Variants in KLHDC4 observed in about 807,000 individuals in gnomAD.
KLHDC4 encodes kelch domain-containing protein 4.
KLHDC4 carries 90 observed loss-of-function variants against 62.4 expected under a neutral mutation model. The observed-to-expected ratio is 1.44, with a 90% confidence interval of 1.22 to 1.72. The LOEUF is 1.72. Among genes scored for constraint, KLHDC4 ranks in the 40% most tolerant of loss-of-function variants. KLHDC4 has a pLI of 0.00. For synonymous variants in KLHDC4, 386 were observed against 284.4 expected (o/e 1.36, Z -3.59); for missense variants, 1,025 against 699.7 (o/e 1.47, Z -5.25).
intron 4 of KLHDC4, among the ~76,000 whole-genome samples, chr16:87,752,420 C>G (rs1341621884): frequency 6.6e-6 from 1 of 151,152 alleles, no homozygotes; most frequent in Non-Finnish European, 1.5e-5. Flanking sequence ...ACTGCAACCT[C>G]CAACGCCCCT....
chr16:87,709,500 C>T lies in KLHDC4; in HGVS notation c.1212G>A (p.Ala404=), dbSNP rs774957342. 20 of 1,611,898 alleles carry T rather than the reference C, an allele frequency of 1.2e-5. No individual in the cohort carries two copies. In the East Asian group the frequency reaches 2.7e-4, roughly 22 times the overall value. The change falls in exon 10 of 12, where the codon GCG becomes GCA. Residue 404 remains alanine (A), a synonymous_variant. Coordinates refer to ENST00000270583, the MANE Select transcript of KLHDC4 (RefSeq NM_017566.4). Reference sequence around the variant, plus strand: ...ACCGGGGCTGCCCCGCCGAGCCTGGCGCGGTGAGCACCTGCTTAATGGTGA... The same window carrying T: ...ACCGGGGCTGCCCCGCCGAGCCTGGTGCGGTGAGCACCTGCTTAATGGTGA... ...TVVTIKQVLT[A]PGSAGQPRSE...
chr16:87,735,476 G>A (rs750213258), intron 5 of KLHDC4, among the ~76,000 whole-genome samples: 13 of 152,194 alleles, frequency 8.5e-5, no homozygotes, highest in Non-Finnish European at 1.3e-4. Flanking sequence ...CCCTAACTGC[G>A]CTGGGGCGGG....
At chr16:87,760,292 C>G (rs144964859) in intron 2 of KLHDC4, among the ~76,000 whole-genome samples, 26 of 150,468 alleles carry the variant, frequency 1.7e-4, no homozygotes, top group African/African-American at 6.3e-4. Flanking sequence ...GAACTCGAGA[C>G]CAGCCTGGAC....
At chr16:87,751,925 A>T (rs903698463) in intron 4 of KLHDC4, among the ~76,000 whole-genome samples, 2 of 151,348 alleles carry the variant, frequency 1.3e-5, no homozygotes, top group African/African-American at 4.9e-5. Flanking sequence ...TACTAAAAAA[A>T]TTAGCCAGGC....
At position 87,765,866 on chromosome 16, in the gene KLHDC4, T is replaced by C. The variant is rs1555612868; in HGVS notation, c.25A>G (p.Lys9Glu). Reference protein sequence around the residue: MGKKGKKEKKGRGAEKTAA... With the variant: MGKKGKKEEKGRGAEKTAA... ...GTCTTCTCCGCGCCGCGGCCCTTCTTCTCCTTCTTGCCCTTCTTGCCCATC... is the reference window on the plus strand; with the variant it reads ...GTCTTCTCCGCGCCGCGGCCCTTCTCCTCCTTCTTGCCCTTCTTGCCCATC... Residue 9 changes from lysine to glutamate, a missense_variant, in exon 1 of 12, where the codon AAG becomes GAG. Physicochemically the swap from Lys to Glu is moderately conservative, Grantham distance 56 (BLOSUM62 1). Coordinates refer to ENST00000270583, the MANE Select transcript of KLHDC4 (RefSeq NM_017566.4). 9.7e-6 allele frequency: 15 copies of C among 1,552,364 alleles called. No individual in the cohort carries two copies. In the South Asian group the frequency reaches 1.7e-4, roughly 17 times the overall value.
chr16:87,762,875 C>A (rs1019719814), intron 1 of KLHDC4, among the ~76,000 whole-genome samples: 2 of 152,090 alleles, frequency 1.3e-5, no homozygotes, highest in Non-Finnish European at 1.5e-5. Context: ...ACTACACACA[C>A]CTGCAGACCA....
At chr16:87,765,702 G>T in intron 1 of KLHDC4, 90 bp downstream of exon 1, 2 of 1,293,152 alleles carry the variant, frequency 1.5e-6, no homozygotes, top group South Asian at 2.8e-5. Flanking sequence ...CGGCTCCCAC[G>T]GCCGACCCGT....
At chr16:87,699,142 T>C (rs2034026325) in exon 1 of KLHDC4, 1 of 152,244 alleles carries the variant, frequency 6.6e-6, no homozygotes, top group Admixed American at 6.5e-5. Flanking sequence ...GAGAAGACCC[T>C]CTGCCCCGGG....
chr16:87,749,587 T>C (rs1318343995), intron 4 of KLHDC4, among the ~76,000 whole-genome samples: 4 of 151,402 alleles, frequency 2.6e-5, no homozygotes, highest in African/African-American at 7.3e-5. Flanking sequence ...AAAGTGTTTA[T>C]GTTTTTTCCT....
intron 7 of KLHDC4, among the ~76,000 whole-genome samples, chr16:87,719,582 T>C (rs2037834364): frequency 6.6e-6 from 1 of 152,026 alleles, no homozygotes; most frequent in East Asian, 1.9e-4. Flanking sequence ...TGTTCACATG[T>C]TTATCTGCTG....
chr16:87,703,815 G>A (rs186541401), downstream of KLHDC4, among the ~76,000 whole-genome samples: 1 of 152,338 alleles, frequency 6.6e-6, no homozygotes, highest in Non-Finnish European at 1.5e-5. Flanking sequence ...TGTGCCTCGG[G>A]ACACCAGTGA....
intron 7 of KLHDC4, among the ~76,000 whole-genome samples, chr16:87,722,444 A>AAC: frequency 6.6e-6 from 1 of 150,702 alleles, no homozygotes; most frequent in Non-Finnish European, 1.5e-5. Context: ...ACTACTGTCC[A>AAC]CTTCATGAAC....
intron 4 of KLHDC4, among the ~76,000 whole-genome samples, chr16:87,753,624 ACC>A (rs1453966864): frequency 6.6e-6 from 1 of 150,884 alleles, no homozygotes; most frequent in African/African-American, 2.5e-5. Context: ...ACATGGTGAA[ACC>A]CCGTCTCTAC....
chr16:87,722,428 C>G (rs917705797), intron 7 of KLHDC4, among the ~76,000 whole-genome samples: 2 of 152,178 alleles, frequency 1.3e-5, no homozygotes, highest in East Asian at 3.9e-4. Context: ...GGTCAAGGCT[C>G]TGAGCACTAC....
intron 4 of KLHDC4, chr16:87,750,795 A>AC (rs2043810982): frequency 2.0e-5 from 3 of 152,322 alleles, no homozygotes; most frequent in Admixed American, 1.3e-4. Flanking sequence ...GTAGCAGCAC[A>AC]CAGGGGGTGG....
chr16:87,733,408 C>T (rs2040743423), intron 5 of KLHDC4, among the ~76,000 whole-genome samples: 1 of 152,218 alleles, frequency 6.6e-6, no homozygotes, highest in Non-Finnish European at 1.5e-5. Flanking sequence ...GGCGCCCAGG[C>T]ACAGAGGAGG....
chr16:87,709,709 A>G (rs2035391940), intron 9 of KLHDC4, 42 bp from the exon 10 acceptor site: 3 of 1,516,032 alleles, frequency 2.0e-6, no homozygotes, highest in Admixed American at 2.1e-5. Context: ...AGCTTCAGCG[A>G]GGCAGGGGTC....
At chr16:87,743,874 G>C (rs929273531) in intron 5 of KLHDC4, among the ~76,000 whole-genome samples, 20 of 152,170 alleles carry the variant, frequency 1.3e-4, no homozygotes, top group African/African-American at 4.3e-4. Context: ...ACCAAATGGA[G>C]ACATACACAA....
At chr16:87,732,573 TAAC>T (rs1302738953) in intron 5 of KLHDC4, among the ~76,000 whole-genome samples, 1 of 152,026 alleles carries the variant, frequency 6.6e-6, no homozygotes, top group Non-Finnish European at 1.5e-5. Flanking sequence ...CACACACAAA[TAAC>T]ACATAAATAA....
Sources: allele counts gnomAD v4.1 joint callset (sites outside exome capture counted in the v4.1 genomes callset), GRCh38; gene constraint gnomAD v4.1.1; transcripts MANE v1.5; gene names NCBI Gene and HGNC (gene_info 2026-07-23, HGNC 2026-07-21).